LRRFIP2: variants seen among roughly 807,000 people sequenced by gnomAD.
LRRFIP2 encodes the protein leucine-rich repeat flightless-interacting protein 2.
Under a neutral mutation model 125.9 loss-of-function variants are expected in LRRFIP2, and 109 were observed. The observed-to-expected ratio is 0.87, with a 90% CI of 0.74 to 1.01. LRRFIP2 has a LOEUF of 1.01. Among genes scored for constraint, LRRFIP2 ranks in the 50% least tolerant of loss-of-function variants. The probability of loss-of-function intolerance (pLI) is 0.00; values close to 1 mark genes in which losing one functional copy is unlikely to be tolerated. For missense variants in LRRFIP2, 850 were observed against 862.3 expected (o/e 0.99, Z 0.18); for synonymous variants, 291 against 293.1 (o/e 0.99, Z 0.07).
At chr3:37,129,401 T>C (rs1245462033) in intron 2 of LRRFIP2, among the ~76,000 whole-genome samples, 1 of 152,230 alleles carries the variant, frequency 6.6e-6, no homozygotes, top group Non-Finnish European at 1.5e-5. Flanking sequence ...ACTCAACACA[T>C]TTCATACAGT....
intron 1 of LRRFIP2, among the ~76,000 whole-genome samples, chr3:37,159,876 C>G (rs1305167193): frequency 1.3e-5 from 2 of 149,124 alleles, no homozygotes; most frequent in African/African-American, 2.5e-5. Flanking sequence ...AAAAAGGCAG[C>G]TGGGGTTTTG....
At chr3:37,116,210 G>A (rs74361110) in intron 6 of LRRFIP2, among the ~76,000 whole-genome samples, 2 of 152,088 alleles carry the variant, frequency 1.3e-5, no homozygotes, top group South Asian at 2.1e-4. Context: ...CCGCAACATC[G>A]AACTCCTGGG....
intron 1 of LRRFIP2, among the ~76,000 whole-genome samples, chr3:37,155,145 T>C (rs2150127666): frequency 6.6e-6 from 1 of 152,352 alleles, no homozygotes; most frequent in South Asian, 2.1e-4. Flanking sequence ...CTCCCCACTT[T>C]CTAAGCCTCC....
intron 2 of LRRFIP2, chr3:37,140,565 T>C (rs1235938675): frequency 6.6e-6 from 1 of 150,960 alleles, no homozygotes; most frequent in African/African-American, 2.4e-5. Flanking sequence ...AAACCCCGTC[T>C]CTACTAAAAA....
Position 37,105,498 on chromosome 3 carries a change from A to G in LRRFIP2, c.740T>C (p.Ile247Thr). 1 of 1,613,622 alleles carries G rather than the reference A, an allele frequency of 6.2e-7. No homozygotes were observed. ...ACGACTGGCACGATCAGAAGACACA[A>G]TGCTTGCAGTGTCATCGTTGGTAAA... ...PGFTNDDTASIVSSDRASRGR... is the reference protein window; with the variant it reads ...PGFTNDDTASTVSSDRASRGR... The change falls in exon 14 of 28, where the codon ATT (isoleucine) becomes ACT (threonine). Residue 247 changes from isoleucine (I) to threonine (T), a missense_variant. By Grantham distance (89) the Ile-to-Thr change is moderately conservative. Transcript: ENST00000336686.
At chr3:37,106,337 C>T (rs752872798) in intron 13 of LRRFIP2, among the ~76,000 whole-genome samples, 7 of 152,226 alleles carry the variant, frequency 4.6e-5, no homozygotes, top group Non-Finnish European at 8.8e-5. Context: ...CATCACCCTA[C>T]ATGGCTCTGT....
At chr3:37,122,218 T>C (rs2095084752) in intron 4 of LRRFIP2, among the ~76,000 whole-genome samples, 1 of 152,038 alleles carries the variant, frequency 6.6e-6, no homozygotes, top group African/African-American at 2.4e-5. Context: ...GTTTCCAGCT[T>C]CATCCATGTC....
chr3:37,062,962 C>G (rs2148725975), intron 24 of LRRFIP2, among the ~76,000 whole-genome samples: 2 of 152,186 alleles, frequency 1.3e-5, no homozygotes, highest in Middle Eastern at 6.8e-3. Flanking sequence ...CATCTATGTA[C>G]CGAGAGGGCA....
chr3:37,129,141 T>G lies in LRRFIP2; in HGVS notation c.99A>C (p.Ala33=). 6.2e-7 allele frequency: 1 copy of G among 1,613,792 alleles called. No individual in the cohort carries two copies. The highest frequency in any genetic ancestry group is 8.5e-7 in the Non-Finnish European group (1 of 1,179,958). The change falls in exon 3 of 28, where the codon GCA becomes GCC. Residue 33 remains alanine (A), a synonymous_variant. Transcript: ENST00000336686. ...GGGCAGCCCGTTTTGCTGCCAGCCTTGCCTCTGCCTGAAAAGTAATATAAA... is the reference window on the plus strand; with the variant it reads ...GGGCAGCCCGTTTTGCTGCCAGCCTGGCCTCTGCCTGAAAAGTAATATAAA... ...ALSNIAREAE[A]RLAAKRAARA... is the part of the protein sequence containing the mutation.
chr3:37,140,718 T>C (rs1482109386), intron 2 of LRRFIP2, among the ~76,000 whole-genome samples: 1 of 152,028 alleles, frequency 6.6e-6, no homozygotes, highest in Non-Finnish European at 1.5e-5. Flanking sequence ...TAATTTAATT[T>C]ATAATCATTC....
chr3:37,138,877 T>G (rs912305914), intron 2 of LRRFIP2, among the ~76,000 whole-genome samples: 2 of 152,222 alleles, frequency 1.3e-5, no homozygotes, highest in African/African-American at 4.8e-5. Context: ...ACCTTTTCAC[T>G]TAAAGAAAGA....
Position 37,121,623 on chromosome 3 carries a change from G to T in LRRFIP2, c.285+12C>A, listed in dbSNP as rs1295210941. On this transcript the variant is annotated intron_variant, in intron 5 of 27. Transcript: ENST00000336686. ...AAAAGTATTAGAGGCAAGTGTATAG[G>T]TTATTACAAACCAGATAAGGACGAT... 2 of 1,614,022 alleles carry T rather than the reference G, an allele frequency of 1.2e-6. No individual in the cohort carries two copies. Among genetic ancestry groups the T allele is most frequent in the African/African-American group, 2.7e-5 (2 of 74,932 alleles).
intron 1 of LRRFIP2, among the ~76,000 whole-genome samples, chr3:37,151,769 T>C (rs937047166): frequency 6.6e-6 from 1 of 152,114 alleles, no homozygotes; most frequent in Non-Finnish European, 1.5e-5. Flanking sequence ...AGCGAATTTA[T>C]GTATTTTTAG....
chr3:37,155,283 A>C (rs1269647069), intron 1 of LRRFIP2, among the ~76,000 whole-genome samples: 3 of 152,272 alleles, frequency 2.0e-5, no homozygotes, highest in Middle Eastern at 3.4e-3. Context: ...TTAACTACCT[A>C]TTTTGCATAT....
At chr3:37,101,066 A>C (rs1015913720) in intron 15 of LRRFIP2, among the ~76,000 whole-genome samples, 2 of 152,158 alleles carry the variant, frequency 1.3e-5, no homozygotes, top group Non-Finnish European at 2.9e-5. Flanking sequence ...CGTTTCTATT[A>C]AGAAATGTTG....
chr3:37,100,865 G>A (rs981996658), intron 15 of LRRFIP2, among the ~76,000 whole-genome samples: 10 of 152,092 alleles, frequency 6.6e-5, no homozygotes, highest in Non-Finnish European at 1.5e-4. Context: ...TGCAGAGAGA[G>A]TTATTGATTA....
At chr3:37,099,559 A>C (rs914205072) in intron 15 of LRRFIP2, among the ~76,000 whole-genome samples, 1 of 152,212 alleles carries the variant, frequency 6.6e-6, no homozygotes, top group African/African-American at 2.4e-5. Flanking sequence ...TGTTTGAAAA[A>C]ATATCTGATT....
chr3:37,075,160 C>T (rs751965678), intron 19 of LRRFIP2, 44 bp from the exon 20 acceptor site: 1 of 1,406,270 alleles, frequency 7.1e-7, no homozygotes, highest in Non-Finnish European at 1.0e-6. Flanking sequence ...TCATGGCACA[C>T]AAGAAATTTG....
At chr3:37,072,501 CAAAAAAAAAAA>C (rs907848276) in intron 21 of LRRFIP2, among the ~76,000 whole-genome samples, 5 of 34,474 alleles carry the variant, frequency 1.5e-4, no homozygotes, top group Admixed American at 5.3e-4. Context: ...GACTCCGTCT[CAAAAAAAAAAA>C]AAAAAAAAAA....
Sources: gnomAD v4.1 joint callset for allele counts (sites outside exome capture counted in the v4.1 genomes callset) on GRCh38, gnomAD v4.1.1 for gene constraint, MANE v1.5 for transcripts, NCBI Gene and HGNC (gene_info 2026-07-23, HGNC 2026-07-21) for gene names.